Variants in COL4A3 observed in about 807,000 individuals in gnomAD.
The protein encoded by COL4A3 is collagen alpha-3(IV) chain.
Under a neutral mutation model 217.4 loss-of-function variants are expected in COL4A3, and 135 were observed. The ratio of observed to expected loss-of-function variants is 0.62; its 90% CI spans 0.54 to 0.72. The LOEUF (loss-of-function observed/expected upper bound fraction) is 0.72. COL4A3 is among the 30% of genes least tolerant of loss of function. The pLI is 0.00. For synonymous variants in COL4A3, 690 were observed against 736.3 expected (o/e 0.94, Z 1.02); for missense variants, 1,868 against 2,119.9 (o/e 0.88, Z 2.33).
In COL4A3 at chr2:227,270,981, A is replaced by G. The variant is rs774734703; in HGVS notation, c.1758+29A>G. 2.0e-5 allele frequency: 32 copies of G among 1,607,546 alleles called. No homozygotes were observed. In the Admixed American group the frequency reaches 4.0e-4, roughly 20 times the overall value. On this transcript the variant is annotated intron_variant, in intron 25 of 51. Coordinates refer to ENST00000396578, the MANE Select transcript of COL4A3 (RefSeq NM_000091.5). ...GGTATTTAGCAACTTTACCCTCCCT[A>G]TAAATGAAGTACTCTGAAGTTAAGA...
Position 227,307,813 on chromosome 2 carries a change from T to A in COL4A3, c.4356T>A (p.Ser1452Arg). 1 of 1,614,140 alleles carries A rather than the reference T, an allele frequency of 6.2e-7. No individual in the cohort carries two copies. Among genetic ancestry groups the A allele is most frequent in the Non-Finnish European group, 8.5e-7 (1 of 1,179,990 alleles). ...GAGGCTTTGTCTTCACCCGACACAG[T>A]CAAACCACAGCAATTCCTTCATGTC... Reference protein sequence around the residue: ...TTRGFVFTRHSQTTAIPSCPE... With the variant: ...TTRGFVFTRHRQTTAIPSCPE... The change falls in exon 48 of 52, where the codon AGT becomes AGA. Residue 1452 changes from serine (S) to arginine (R), a missense_variant. By Grantham distance (110) the Ser-to-Arg change is moderately radical. Around this residue, in one of 2 missense-constraint regions of COL4A3, gnomAD observed 1,503 missense variants for 1,786.1 expected, o/e 0.84. Coordinates refer to ENST00000396578, the MANE Select transcript of COL4A3 (RefSeq NM_000091.5).
intron 21 of COL4A3, chr2:227,265,984 G>T: frequency 5.3e-6 from 1 of 187,498 alleles, no homozygotes; most frequent in South Asian, 1.0e-4. Context: ...GATCTCATAA[G>T]CACTCATTCA....
chr2:227,242,750 C>T (rs2069102210), intron 3 of COL4A3, among the ~76,000 whole-genome samples: 2 of 152,202 alleles, frequency 1.3e-5, no homozygotes, highest in South Asian at 4.1e-4. Context: ...GAACCAAAGG[C>T]ACAGAACAAA....
intron 1 of COL4A3, among the ~76,000 whole-genome samples, chr2:227,182,899 A>C (rs761555389): frequency 6.6e-6 from 1 of 152,204 alleles, no homozygotes; most frequent in African/African-American, 2.4e-5. Context: ...CTGATATAAA[A>C]CCAGAAGACT....
At chr2:227,291,157 A>C (rs2072676186) in intron 37 of COL4A3, 1 of 439,960 alleles carries the variant, frequency 2.3e-6, no homozygotes, top group African/African-American at 2.0e-5. Context: ...GGCAGTGATT[A>C]CAGGCCCATA....
At position 227,253,572 on chromosome 2, in the gene COL4A3, G is replaced by A; in HGVS notation, c.699G>A (p.Gly233=). 1 of 1,613,942 alleles carries A rather than the reference G, an allele frequency of 6.2e-7. No individual in the cohort carries two copies. Among genetic ancestry groups the A allele is most frequent in the South Asian group, 1.1e-5 (1 of 91,080 alleles). Residue 233 remains glycine (G), a synonymous_variant, in exon 13 of 52, where the codon GGG becomes GGA. Transcript: ENST00000396578. This position sits in a 1 kb window ranked among gnomAD's most constrained non-coding sequence, Gnocchi z 4.4. ...IGHKGERGVK[G]LTGPPGPPGT... ...GTTTTTGTCTTTAGGGTGTGAAAGG[G>A]TTAACAGGACCCCCGGGACCACCAG...
Position 227,253,276 on chromosome 2 carries a change from G to A in COL4A3, c.646-20G>A. On this transcript the variant is annotated intron_variant, in intron 11 of 51. Coordinates refer to ENST00000396578, the MANE Select transcript of COL4A3 (RefSeq NM_000091.5). This position sits in a 1 kb window ranked among gnomAD's most constrained non-coding sequence, Gnocchi z 4.4. ...CATATTTATTTTTAGAAAATAATTT[G>A]GTTTTGTGTTTTCTTACAGGGTCAC... The A allele has an allele frequency of 1.2e-6, 2 of 1,605,826 alleles. No individual in the cohort carries two copies. The highest frequency in any genetic ancestry group is 1.7e-6 in the Non-Finnish European group (2 of 1,172,564).
chr2:227,249,215 T>TATATATATATATATATAA lies in COL4A3; in HGVS notation c.546+711_546+712insAAATATATATATATATAT, dbSNP rs2069556580. 6.6e-5 allele frequency among the ~76,000 whole-genome samples: 2 copies of TATATATATATATATATAA among 30,256 alleles called. 1 individual carries two copies. The highest frequency in any genetic ancestry group is 1.6e-4 in the Non-Finnish European group (2 of 12,384). The allele number at this position is 30,256 out of a possible 152,430, so 19.8% of individuals were successfully genotyped here. ...TATATATAACCAAAATTAGCTAGTA[T>TATATATATATATATATAA]ATATATATATATATATTTTTTTTTT... On this transcript the variant is annotated intron_variant, in intron 9 of 51. Coordinates refer to ENST00000396578, the MANE Select transcript of COL4A3 (RefSeq NM_000091.5).
At chr2:227,200,281 A>G (rs1412583698) in intron 1 of COL4A3, among the ~76,000 whole-genome samples, 1 of 152,180 alleles carries the variant, frequency 6.6e-6, no homozygotes, top group Non-Finnish European at 1.5e-5. Flanking sequence ...CCATTAGAAC[A>G]TTCTTGAACA....
At chr2:227,273,222 C>T (rs913108236) in intron 26 of COL4A3, 105 bp downstream of exon 26, 4 of 1,230,072 alleles carry the variant, frequency 3.3e-6, no homozygotes, top group Non-Finnish European at 3.6e-6. Context: ...AAACTTGCTT[C>T]TAACGAATAG....
In COL4A3 at chr2:227,293,244, T is replaced by G. The variant is rs770449474; in HGVS notation, c.3264T>G (p.Pro1088=). The change falls in exon 38 of 52, where the codon CCT becomes CCG. Residue 1088 remains proline, a synonymous_variant. Transcript: ENST00000396578. The part of the protein sequence containing the change: ...DMGKKGEMGQ[P]GPPGHLGPAG... ...GAAAGAAAGGAGAAATGGGGCAACC[T>G]GGCCCACCTGGACATTTGGGGCCTG... is the stretch of plus-strand genomic sequence containing the variant. 1.5e-5 allele frequency: 24 copies of G among 1,613,810 alleles called. No homozygotes were observed. Among genetic ancestry groups the G allele is most frequent in the Admixed American group, 1.0e-4 (6 of 59,990 alleles).
intron 1 of COL4A3, among the ~76,000 whole-genome samples, chr2:227,171,325 C>T (rs377668836): frequency 1.7e-3 from 262 of 152,254 alleles, no homozygotes; most frequent in African/African-American, 6.1e-3. Flanking sequence ...TAGATTCACA[C>T]GCTTTGAGAT....
intron 1 of COL4A3, among the ~76,000 whole-genome samples, chr2:227,227,432 A>G (rs1288969713): frequency 6.6e-6 from 1 of 152,036 alleles, no homozygotes; most frequent in Non-Finnish European, 1.5e-5. Context: ...CCCCATCTCT[A>G]CTGGAGAATC....
rs533774268 is a variant in COL4A3, at chr2:227,280,815, A to G, written c.2375-78A>G. 1.6e-5 allele frequency: 19 copies of G among 1,181,456 alleles called. No individual in the cohort carries two copies. The South Asian group carries it at 2.5e-4, about 15-fold the overall frequency. The allele number at this position is 1,181,456 out of a possible 1,614,324, so 73.2% of individuals were successfully genotyped here. On this transcript the variant is annotated intron_variant, in intron 30 of 51. Transcript: ENST00000396578. ...TCTGATTTAGGTGGAAAAAAAGTTAACAGAAGAATGACTGGTACAGCAATA... is the reference window on the plus strand; with the variant it reads ...TCTGATTTAGGTGGAAAAAAAGTTAGCAGAAGAATGACTGGTACAGCAATA...
rs768262083 is a variant in COL4A3, at chr2:227,246,758, T to G, written c.441+20T>G. The stretch of plus-strand genomic sequence containing the variant: ...ATCCCGGTAGGTTTGCATGCCTAAT[T>G]CCCCAACAAAGACATAAAGTATAAA... On this transcript the variant is annotated intron_variant, in intron 7 of 51. Transcript: ENST00000396578. 1.3e-6 allele frequency: 2 copies of G among 1,597,936 alleles called. No individual in the cohort carries two copies.
chr2:227,219,002 C>CTT (rs11461831), intron 1 of COL4A3, among the ~76,000 whole-genome samples: 27 of 147,942 alleles, frequency 1.8e-4, no homozygotes, highest in South Asian at 8.6e-4. Flanking sequence ...CCCATTATTT[C>CTT]TTTTTTTTTT....
At chr2:227,283,671 C>G in intron 32 of COL4A3, 96 bp from the exon 33 acceptor site, 1 of 1,073,116 alleles carries the variant, frequency 9.3e-7, no homozygotes, top group Non-Finnish European at 1.4e-6. Context: ...AACTCCCAAT[C>G]TCTGCTTCTA....
chr2:227,205,727 C>T (rs75106752), intron 1 of COL4A3, among the ~76,000 whole-genome samples: 21,208 of 149,478 alleles, frequency 0.14, 1,630 homozygotes, highest in Non-Finnish European at 0.16. Flanking sequence ...TTTTTGAAAT[C>T]GACTAAGTTC....
chr2:227,209,415 A>G (rs1288627954), intron 1 of COL4A3, among the ~76,000 whole-genome samples: 2 of 152,162 alleles, frequency 1.3e-5, no homozygotes, highest in Non-Finnish European at 2.9e-5. Context: ...TGCCTGGTAT[A>G]TCTTCCCCAA....
Sources: allele counts gnomAD v4.1 joint callset (sites outside exome capture counted in the v4.1 genomes callset), GRCh38; gene constraint gnomAD v4.1.1; regional missense constraint gnomAD v4.1.1; non-coding constraint Gnocchi (gnomAD v3.1); transcripts MANE v1.5; gene names NCBI Gene and HGNC (gene_info 2026-07-23, HGNC 2026-07-21).